The following FRAS1 variants were observed in gnomAD, a reference collection of about 807,000 sequenced individuals.
The protein encoded by FRAS1 is Fraser extracellular matrix complex subunit 1.
FRAS1 carries 290 observed loss-of-function variants against 435.2 expected under a neutral mutation model. The ratio of observed to expected loss-of-function variants is 0.67; its 90% CI spans 0.61 to 0.73. The LOEUF is 0.73. Ranked by LOEUF, FRAS1 falls within the 30% of genes least tolerant of loss-of-function variation. The pLI is 0.00. For synonymous variants in FRAS1, 1,800 were observed against 1,851.0 expected (o/e 0.97, Z 0.71); for missense variants, 4,860 against 5,001.5 (o/e 0.97, Z 0.85).
chr4:78,067,305 T>C (rs1394512630), intron 2 of FRAS1, among the ~76,000 whole-genome samples: 1 of 152,194 alleles, frequency 6.6e-6, no homozygotes, highest in Non-Finnish European at 1.5e-5. Context: ...TAATTCACCA[T>C]TAGTGGTGGA....
chr4:78,332,256 T>A (rs562391653), intron 18 of FRAS1, among the ~76,000 whole-genome samples: 2 of 152,298 alleles, frequency 1.3e-5, no homozygotes, highest in South Asian at 4.1e-4. Flanking sequence ...GGAAATCATT[T>A]ACTATCTCCA....
At chr4:78,189,640 G>A (rs747194826) in intron 2 of FRAS1, among the ~76,000 whole-genome samples, 1 of 152,062 alleles carries the variant, frequency 6.6e-6, no homozygotes. Flanking sequence ...GTTCTCATTC[G>A]GCTCTATGGT....
At position 78,400,887 on chromosome 4, in the gene FRAS1, G is replaced by A. The variant is rs1193505562; in HGVS notation, c.4129G>A (p.Gly1377Arg). ...YKITQDYPQF[G>R]EVVLLVNMPA... ...GATTACACAAGACTACCCCCAGTTT[G>A]GTAACTATTTTTTCCTTTGGCGTGG... is the stretch of plus-strand genomic sequence containing the variant. The change falls in exon 30 of 74, where the codon GGG (glycine) becomes AGG (arginine). Residue 1377 changes from glycine (G) to arginine (R), a missense_variant and splice_region_variant. Gly to Arg is a moderately radical substitution (Grantham distance 125, BLOSUM62 -2). Coordinates refer to ENST00000512123, the MANE Select transcript of FRAS1 (RefSeq NM_025074.7). 1 of 1,613,068 alleles carries A rather than the reference G, an allele frequency of 6.2e-7. No homozygotes were observed. Among genetic ancestry groups the A allele is most frequent in the Admixed American group, 1.7e-5 (1 of 59,868 alleles).
At chr4:78,510,409 A>G (rs769814322) in intron 63 of FRAS1, among the ~76,000 whole-genome samples, 12 of 152,202 alleles carry the variant, frequency 7.9e-5, no homozygotes, top group African/African-American at 1.2e-4. Flanking sequence ...GTTCATGTAT[A>G]TATAAATAAG....
Position 78,140,658 on chromosome 4 carries a change from T to C in FRAS1, c.108+74642T>C, listed in dbSNP as rs78496045. ...ATACATATGTGTATATGTATATACG[T>C]ATATACATATGTGTATATGTATATG... On this transcript the variant is annotated intron_variant, in intron 2 of 73. Transcript: ENST00000512123. Among the ~76,000 whole-genome samples the C allele has an allele frequency of 2.3e-3, 328 of 139,914 alleles. 2 individuals carry two copies. Among genetic ancestry groups the C allele is most frequent in the African/African-American group, 9.7e-3 (298 of 30,706 alleles). 91.8% of individuals were successfully genotyped at this position (139,914 alleles called of 152,430 possible).
intron 64 of FRAS1, 112 bp downstream of exon 64, chr4:78,511,618 T>C: frequency 1.2e-6 from 1 of 867,424 alleles, no homozygotes; most frequent in Non-Finnish European, 1.9e-6. Context: ...AAAAATGTGA[T>C]GATGAATGCA....
chr4:78,488,287 GCTATGTCATAA>G (rs1413560872), intron 58 of FRAS1, among the ~76,000 whole-genome samples: 1 of 152,194 alleles, frequency 6.6e-6, no homozygotes, highest in Non-Finnish European at 1.5e-5. Flanking sequence ...GAATTCAGGA[GCTATGTCATAA>G]AAAACCACAT....
intron 2 of FRAS1, among the ~76,000 whole-genome samples, chr4:78,090,935 T>C (rs1043845415): frequency 6.6e-6 from 1 of 152,200 alleles, no homozygotes; most frequent in East Asian, 1.9e-4. Context: ...TTATAAATCA[T>C]GGATATTAAT....
At chr4:78,273,598 T>G (rs1423036522) in intron 9 of FRAS1, among the ~76,000 whole-genome samples, 1 of 152,234 alleles carries the variant, frequency 6.6e-6, no homozygotes, top group Non-Finnish European at 1.5e-5. Flanking sequence ...TTGGTTCTGT[T>G]TATATGCTGG....
intron 14 of FRAS1, among the ~76,000 whole-genome samples, chr4:78,298,621 A>T (rs1219630662): frequency 6.6e-6 from 1 of 152,202 alleles, no homozygotes; most frequent in Non-Finnish European, 1.5e-5. Context: ...GGACTTCAGC[A>T]TTTATTAAGT....
intron 38 of FRAS1, among the ~76,000 whole-genome samples, chr4:78,435,668 G>A (rs1182781774): frequency 6.6e-6 from 1 of 151,982 alleles, no homozygotes; most frequent in Non-Finnish European, 1.5e-5. Flanking sequence ...AACCCAAAAG[G>A]TGGAAGTTGC....
intron 2 of FRAS1, among the ~76,000 whole-genome samples, chr4:78,098,656 A>G (rs1741949097): frequency 6.6e-6 from 1 of 152,158 alleles, no homozygotes; most frequent in Non-Finnish European, 1.5e-5. Flanking sequence ...GTTAGGATAT[A>G]TATAATATAA....
intron 69 of FRAS1, among the ~76,000 whole-genome samples, chr4:78,523,168 A>G (rs1477081755): frequency 6.6e-6 from 1 of 152,184 alleles, no homozygotes. Context: ...TCAACTTCTG[A>G]TATATAAATA....
Position 78,264,140 on chromosome 4 carries a change from A to C in FRAS1, c.604-885A>C, listed in dbSNP as rs559843675. Among the ~76,000 whole-genome samples, 58 of 152,310 alleles carry C rather than the reference A, an allele frequency of 3.8e-4. No individual in the cohort carries two copies. In the South Asian group the frequency reaches 0.012, roughly 30 times the overall value. ...GTTCTCACCATTTCCTCTGCCTTTC[A>C]TGTCTCCTTTCCTGACATTGAAGAA... is the stretch of plus-strand genomic sequence containing the variant. On this transcript the variant is annotated intron_variant, in intron 6 of 73. Coordinates refer to ENST00000512123, the MANE Select transcript of FRAS1 (RefSeq NM_025074.7).
chr4:78,134,743 TATTAGGTACTATATATGC>T (rs1446182748), intron 2 of FRAS1, among the ~76,000 whole-genome samples: 1 of 152,186 alleles, frequency 6.6e-6, no homozygotes, highest in African/African-American at 2.4e-5. Context: ...CTAGGTATGG[TATTAGGTACTATATATGC>T]ATTATCTCAT....
intron 63 of FRAS1, among the ~76,000 whole-genome samples, chr4:78,510,547 T>C (rs572428798): frequency 6.6e-6 from 1 of 152,374 alleles, no homozygotes; most frequent in South Asian, 2.1e-4. Context: ...GTGAGAGGTC[T>C]GTGGCACACA....
At chr4:78,087,101 G>C (rs1156736743) in intron 2 of FRAS1, among the ~76,000 whole-genome samples, 3 of 152,134 alleles carry the variant, frequency 2.0e-5, no homozygotes, top group Non-Finnish European at 4.4e-5. Flanking sequence ...TCATCCCTGG[G>C]ATGCAAGGCT....
intron 10 of FRAS1, among the ~76,000 whole-genome samples, chr4:78,280,488 A>G (rs928678344): frequency 1.3e-5 from 2 of 152,072 alleles, no homozygotes; most frequent in South Asian, 2.1e-4. Context: ...TTTTCCCAAC[A>G]TAGTTGACTG....
At chr4:78,200,179 G>A (rs915150871) in intron 2 of FRAS1, among the ~76,000 whole-genome samples, 3 of 152,158 alleles carry the variant, frequency 2.0e-5, no homozygotes, top group Non-Finnish European at 2.9e-5. Flanking sequence ...TGTTACTGTC[G>A]ACAGTAGGTT....
Sources: gnomAD v4.1 joint callset for allele counts (sites outside exome capture counted in the v4.1 genomes callset) on GRCh38, gnomAD v4.1.1 for gene constraint, MANE v1.5 for transcripts, NCBI Gene and HGNC (gene_info 2026-07-23, HGNC 2026-07-21) for gene names.